FOXP1: variants seen among roughly 807,000 people sequenced by gnomAD.
FOXP1 encodes forkhead box P1, also known as forkhead box protein P1.
FOXP1 carries 15 observed loss-of-function variants against 98.2 expected under a neutral mutation model. The observed-to-expected ratio is 0.15, with a 90% CI of 0.10 to 0.24. The LOEUF is 0.24. Among genes scored for constraint, FOXP1 ranks in the 10% least tolerant of loss-of-function variants. FOXP1 has a pLI of 1.00. For missense variants in FOXP1, 633 were observed against 848.5 expected (o/e 0.75, Z 3.15); for synonymous variants, 371 against 314.5 (o/e 1.18, Z -1.90).
At chr3:71,175,582 CT>C (rs1405110149) in intron 6 of FOXP1, among the ~76,000 whole-genome samples, 3 of 152,274 alleles carry the variant, frequency 2.0e-5, no homozygotes, top group African/African-American at 4.8e-5. Context: ...GTTAGTTGGG[CT>C]TTTGTGCTGA....
At chr3:71,366,216 A>G (rs1266164136) in intron 3 of FOXP1, among the ~76,000 whole-genome samples, 1 of 152,188 alleles carries the variant, frequency 6.6e-6, no homozygotes, top group East Asian at 1.9e-4. Context: ...TCAGTTCCCC[A>G]TTAATGTTTT....
chr3:71,212,227 G>C (rs141681192), intron 5 of FOXP1, among the ~76,000 whole-genome samples: 1 of 152,054 alleles, frequency 6.6e-6, no homozygotes, highest in Non-Finnish European at 1.5e-5. Flanking sequence ...AATGATTTAC[G>C]AGCCACCAAA....
At chr3:71,215,914 C>A (rs893418749) in intron 5 of FOXP1, among the ~76,000 whole-genome samples, 1 of 152,188 alleles carries the variant, frequency 6.6e-6, no homozygotes, top group Non-Finnish European at 1.5e-5. Flanking sequence ...TAAAGAAAAT[C>A]TTTAATTGGC....
At chr3:71,019,560 T>C (rs770250036) in intron 11 of FOXP1, among the ~76,000 whole-genome samples, 18 of 152,132 alleles carry the variant, frequency 1.2e-4, no homozygotes, top group Non-Finnish European at 2.5e-4. Context: ...TCGGGGGCGG[T>C]GGCTCACGCC....
chr3:71,581,599 A>G lies in FOXP1; in HGVS notation c.-348T>C, dbSNP rs1340492542. The G allele has an allele frequency of 2.0e-6, 2 of 985,476 alleles. No individual in the cohort carries two copies. The highest frequency in any genetic ancestry group is 3.5e-5 in the African/African-American group (2 of 57,216). The allele number at this position is 985,476 out of a possible 1,614,324, so 61.0% of individuals were successfully genotyped here. The stretch of plus-strand genomic sequence containing the variant: ...AGCGCCGCCTTCACGCCCGCGGAGG[A>G]GGCGCCGGCAGCACCATGGTCCCCG... On this transcript the variant is annotated 5_prime_UTR_variant, in exon 2 of 21. Transcript: ENST00000649528.
At chr3:71,296,042 T>C (rs1461277895) in intron 5 of FOXP1, 1 of 152,214 alleles carries the variant, frequency 6.6e-6, no homozygotes, top group Non-Finnish European at 1.5e-5. Context: ...AAAATTGTTA[T>C]ATCACTCCCG....
chr3:71,363,268 T>A (rs1455743706), intron 3 of FOXP1, among the ~76,000 whole-genome samples: 1 of 152,218 alleles, frequency 6.6e-6, no homozygotes, highest in African/African-American at 2.4e-5. Flanking sequence ...TTTCAACAGA[T>A]GTTCTATCTG....
chr3:71,061,337 A>C (rs191079717), intron 7 of FOXP1, among the ~76,000 whole-genome samples: 1 of 152,302 alleles, frequency 6.6e-6, no homozygotes, highest in East Asian at 1.9e-4. Flanking sequence ...CTCATCACCA[A>C]TGTAACTTGC....
At chr3:70,970,672 A>G in intron 19 of FOXP1, 64 bp downstream of exon 19, 1 of 1,250,590 alleles carries the variant, frequency 8.0e-7, no homozygotes, top group South Asian at 1.2e-5. Context: ...AGGCTAATAT[A>G]TTTTGAAATG....
In FOXP1 at chr3:71,119,726, A is replaced by G. The variant is rs77324847; in HGVS notation, c.181-7089T>C. 6.9e-3 allele frequency among the ~76,000 whole-genome samples: 1,048 copies of G among 152,330 alleles called. 7 individuals are homozygous for G. The highest frequency in any genetic ancestry group is 0.024 in the African/African-American group (989 of 41,566). On this transcript the variant is annotated intron_variant, in intron 6 of 20. Transcript: ENST00000649528. The stretch of plus-strand genomic sequence containing the variant: ...GACCGAGGACTGAGTATGCAAGGAA[A>G]CTTCATCACCTTCTTCCTTTAGACA...
chr3:71,527,669 T>G (rs1319133376), intron 2 of FOXP1, among the ~76,000 whole-genome samples: 1 of 152,184 alleles, frequency 6.6e-6, no homozygotes, highest in African/African-American at 2.4e-5. Context: ...TGTAATTAAG[T>G]ATTAGAATTT....
intron 5 of FOXP1, among the ~76,000 whole-genome samples, chr3:71,220,842 G>C (rs750229258): frequency 2.6e-5 from 4 of 151,136 alleles, no homozygotes; most frequent in Non-Finnish European, 4.4e-5. Flanking sequence ...GGTAATTCCT[G>C]TACTTAGGAA....
chr3:71,023,228 TTGTC>T (rs2045667400), intron 11 of FOXP1, among the ~76,000 whole-genome samples: 1 of 152,222 alleles, frequency 6.6e-6, no homozygotes, highest in Non-Finnish European at 1.5e-5. Flanking sequence ...ATGTCTCTCT[TTGTC>T]TGTTATCCTT....
intron 6 of FOXP1, among the ~76,000 whole-genome samples, chr3:71,177,091 A>G (rs1346210725): frequency 6.6e-6 from 1 of 152,114 alleles, no homozygotes; most frequent in African/African-American, 2.4e-5. Flanking sequence ...AAAAAGGAAG[A>G]AAGAAAACAA....
intron 4 of FOXP1, among the ~76,000 whole-genome samples, chr3:71,338,450 A>G (rs1282582018): frequency 1.3e-5 from 2 of 152,196 alleles, no homozygotes; most frequent in African/African-American, 4.8e-5. Flanking sequence ...GGAGAGTATA[A>G]ATTTTTTCTT....
chr3:71,244,592 G>C (rs929165588), intron 5 of FOXP1, among the ~76,000 whole-genome samples: 1 of 151,992 alleles, frequency 6.6e-6, no homozygotes, highest in Non-Finnish European at 1.5e-5. Context: ...GGCTTCTAAT[G>C]AAACTGTTGT....
chr3:71,504,686 G>A (rs1228351504), intron 2 of FOXP1, among the ~76,000 whole-genome samples: 4 of 152,252 alleles, frequency 2.6e-5, no homozygotes, highest in Middle Eastern at 3.4e-3. Context: ...GTCTCGAGGC[G>A]CCAAGGGAAG....
chr3:71,160,352 A>T (rs2061074586), intron 6 of FOXP1, among the ~76,000 whole-genome samples: 1 of 152,164 alleles, frequency 6.6e-6, no homozygotes. Flanking sequence ...AGGATTCTAA[A>T]TGCAAGAGAA....
At chr3:71,281,786 C>T (rs1560235874) in intron 5 of FOXP1, among the ~76,000 whole-genome samples, 1 of 152,102 alleles carries the variant, frequency 6.6e-6, no homozygotes, top group Non-Finnish European at 1.5e-5. Context: ...ATGGCTTGGC[C>T]TTTTACATTA....
Sources: allele counts gnomAD v4.1 joint callset (sites outside exome capture counted in the v4.1 genomes callset), GRCh38; gene constraint gnomAD v4.1.1; transcripts MANE v1.5; gene names NCBI Gene and HGNC (gene_info 2026-07-23, HGNC 2026-07-21).